Variants in TTC6 observed in about 807,000 individuals in gnomAD.
TTC6 encodes tetratricopeptide repeat domain 6.
TTC6 carries 172 observed loss-of-function variants against 210.4 expected under a neutral mutation model. That is an observed-to-expected ratio of 0.82 (90% CI 0.72 to 0.93). The LOEUF (loss-of-function observed/expected upper bound fraction) is 0.93, where lower values mean the gene tolerates loss of function less well. Ranked by LOEUF, TTC6 falls within the 40% of genes least tolerant of loss-of-function variation. TTC6 has a pLI of 0.00. For synonymous variants in TTC6, 804 were observed against 819.6 expected (o/e 0.98, Z 0.32); for missense variants, 2,414 against 2,318.1 (o/e 1.04, Z -0.85).
intron 5 of TTC6, among the ~76,000 whole-genome samples, chr14:37,713,477 A>G (rs942373710): frequency 1.3e-5 from 2 of 152,170 alleles, no homozygotes; most frequent in African/African-American, 4.8e-5. Flanking sequence ...GCCTCAAGTG[A>G]TCTGCCTGCC....
At chr14:37,787,478 G>C in exon 15 of TTC6, 1 of 1,521,806 alleles carries the variant, frequency 6.6e-7, no homozygotes, top group Non-Finnish European at 8.8e-7. Flanking sequence ...GACATACCGA[G>C]GGATTGCATA....
chr14:37,749,498 T>C, intron 11 of TTC6, 97 bp downstream of exon 13: 1 of 1,248,244 alleles, frequency 8.0e-7, no homozygotes, highest in Non-Finnish European at 1.0e-6. Context: ...TGAATGTTTA[T>C]AGTATAGCAT....
At chr14:37,690,978 A>G (rs1174502996) in intron 3 of TTC6, among the ~76,000 whole-genome samples, 1 of 152,126 alleles carries the variant, frequency 6.6e-6, no homozygotes, top group Non-Finnish European at 1.5e-5. Context: ...AGGTCACAAA[A>G]CAAGTCTTAA....
intron 1 of TTC6, among the ~76,000 whole-genome samples, chr14:37,643,474 C>T (rs2095696006): frequency 6.6e-6 from 1 of 152,074 alleles, no homozygotes; most frequent in Non-Finnish European, 1.5e-5. Context: ...GAGGAAGAGC[C>T]AATGCTTTGG....
chr14:37,732,173 CTTTTTTTTTTT>C (rs61444309), intron 7 of TTC6, among the ~76,000 whole-genome samples: 11 of 57,626 alleles, frequency 1.9e-4, no homozygotes, highest in African/African-American at 7.7e-4. Context: ...GTACTGTATT[CTTTTTTTTTTT>C]TTTTTTTTTT....
At chr14:37,631,650 T>C (rs2095670141) in intron 1 of TTC6, among the ~76,000 whole-genome samples, 1 of 152,222 alleles carries the variant, frequency 6.6e-6, no homozygotes, top group Admixed American at 6.5e-5. Flanking sequence ...TGAATTTGAA[T>C]GTTGGCCTGT....
At position 37,767,418 on chromosome 14, in the gene TTC6, A is replaced by G. The variant is rs1184187270; in HGVS notation, c.3266+14183A>G. ...TGAACTAGTTTACAGTTCCACCAAC[A>G]GTGTAAAAGTGTTCCTATTTCTCCA... On this transcript the variant is annotated intron_variant, in intron 14 of 30. Transcript: ENST00000553443. 2.6e-5 allele frequency among the ~76,000 whole-genome samples: 4 copies of G among 152,200 alleles called. 1 individual carries two copies. Among genetic ancestry groups the G allele is most frequent in the Non-Finnish European group, 5.9e-5 (4 of 68,044 alleles).
At chr14:37,715,306 GGA>G (rs1459402669) in intron 6 of TTC6, among the ~76,000 whole-genome samples, 1 of 152,072 alleles carries the variant, frequency 6.6e-6, no homozygotes, top group Non-Finnish European at 1.5e-5. Flanking sequence ...CAAAAGATGG[GGA>G]GAGACTGAAA....
chr14:37,839,641 C>T (rs1235793305), intron 29 of TTC6, among the ~76,000 whole-genome samples: 1 of 152,162 alleles, frequency 6.6e-6, no homozygotes, highest in African/African-American at 2.4e-5. Flanking sequence ...TGAAGACACT[C>T]TTTAGTTTAA....
intron 26 of TTC6, among the ~76,000 whole-genome samples, chr14:37,822,461 GTGATACA>G (rs2096160298): frequency 6.6e-6 from 1 of 152,132 alleles, no homozygotes; most frequent in African/African-American, 2.4e-5. Flanking sequence ...GGGCAAAGTA[GTGATACA>G]TCTTACTAAA....
At chr14:37,798,082 G>A (rs959705367) in intron 20 of TTC6, among the ~76,000 whole-genome samples, 1 of 152,008 alleles carries the variant, frequency 6.6e-6, no homozygotes, top group African/African-American at 2.4e-5. Flanking sequence ...GATAACTGGT[G>A]GAGCAAGTCC....
At chr14:37,695,408 G>A (rs1249598207) in intron 3 of TTC6, among the ~76,000 whole-genome samples, 2 of 152,148 alleles carry the variant, frequency 1.3e-5, no homozygotes, top group Non-Finnish European at 2.9e-5. Flanking sequence ...AGGCTAGAAT[G>A]CAATGGCACA....
intron 2 of TTC6, among the ~76,000 whole-genome samples, chr14:37,612,305 A>G (rs2095636038): frequency 1.3e-5 from 2 of 152,182 alleles, no homozygotes; most frequent in Admixed American, 1.3e-4. Context: ...CTAGAATTTT[A>G]TACACAAGAA....
At chr14:37,689,328 A>G (rs960291732) in intron 3 of TTC6, among the ~76,000 whole-genome samples, 3 of 152,148 alleles carry the variant, frequency 2.0e-5, no homozygotes, top group African/African-American at 7.2e-5. Flanking sequence ...CTATAAAATA[A>G]TCTCAAAAGG....
chr14:37,803,005 T>G (rs1208470676), intron 20 of TTC6, among the ~76,000 whole-genome samples: 1 of 152,182 alleles, frequency 6.6e-6, no homozygotes, highest in African/African-American at 2.4e-5. Context: ...AGTGCTGGAA[T>G]TACAGGTGTA....
At chr14:37,720,561 G>GAAAAAAAAAAAAAAAAAAATAAAAAAAAA (rs369158910) in intron 6 of TTC6, 1 of 84,330 alleles carries the variant, frequency 1.2e-5, no homozygotes, top group African/African-American at 4.4e-5. Flanking sequence ...GTTGCACAGT[G>GAAAAAAAAAAAAAAAAAAATAAAAAAAAA]AAAAAAAAAA....
chr14:37,606,865 G>A, intron 2 of TTC6, 123 bp downstream of exon 2: 1 of 772,174 alleles, frequency 1.3e-6, no homozygotes. Flanking sequence ...GTGGTGGCTG[G>A]TTTCTACAGG....
intron 1 of TTC6, among the ~76,000 whole-genome samples, chr14:37,659,908 A>C (rs549392289): frequency 7.9e-5 from 12 of 152,054 alleles, no homozygotes; most frequent in Non-Finnish European, 1.6e-4. Flanking sequence ...TTCTTTTGAG[A>C]AGTGTCTGTT....
At chr14:37,596,090 A>G (rs1443823163) in intron 1 of TTC6, 82 bp downstream of exon 1, 1 of 150,680 alleles carries the variant, frequency 6.6e-6, no homozygotes, top group Non-Finnish European at 1.5e-5. Context: ...TCCCCTTGTC[A>G]TCTGTAGCGA....
Sources: allele counts gnomAD v4.1 joint callset (sites outside exome capture counted in the v4.1 genomes callset), GRCh38; gene constraint gnomAD v4.1.1; transcripts MANE v1.5; gene names NCBI Gene and HGNC (gene_info 2026-07-23, HGNC 2026-07-21).